OFD1: variants seen among roughly 807,000 people sequenced by gnomAD.
OFD1 encodes centriole and centriolar satellite protein OFD1.
In OFD1, 12 loss-of-function variants were observed where a neutral mutation model predicts 81.4. The observed-to-expected ratio is 0.15, with a 90% CI of 0.09 to 0.24. OFD1 has a LOEUF of 0.24. Among genes scored for constraint, OFD1 ranks in the 10% least tolerant of loss-of-function variants. OFD1 has a pLI of 1.00. For synonymous variants in OFD1, 256 were observed against 263.7 expected (o/e 0.97, Z 0.28); for missense variants, 685 against 733.9 (o/e 0.93, Z 0.77).
intron 19 of OFD1, 83 bp downstream of exon 19, chrX:13,763,938 C>A: frequency 1.4e-6 from 1 of 730,298 alleles, no homozygotes; most frequent in Non-Finnish European, 2.2e-6. Flanking sequence ...TTTCATGTAT[C>A]ACTGAAGTCA....
intron 21 of OFD1, 88 bp from the exon 22 acceptor site, chrX:13,768,630 A>G (rs909016692): frequency 1.4e-6 from 1 of 718,909 alleles, no homozygotes; most frequent in Non-Finnish European, 2.2e-6. Context: ...TTTAAATTAC[A>G]TATATATTTC....
chrX:13,735,735 TG>T (rs1467532925), intron 2 of OFD1, among the ~76,000 whole-genome samples: 1 of 112,233 alleles, frequency 8.9e-6, no homozygotes, highest in East Asian at 2.8e-4. Flanking sequence ...AAAATACTAG[TG>T]TACTGCTTAA....
At chrX:13,763,111 C>T (rs931244613) in intron 18 of OFD1, among the ~76,000 whole-genome samples, 3 of 112,317 alleles carry the variant, frequency 2.7e-5, no homozygotes, top group African/African-American at 6.5e-5. Flanking sequence ...AGTTGATTGC[C>T]TCAGATTTAG....
upstream of OFD1, among the ~76,000 whole-genome samples, chrX:13,733,263 C>T (rs1206173975): frequency 9.0e-6 from 1 of 111,635 alleles, no homozygotes; most frequent in Non-Finnish European, 1.9e-5. Context: ...ATCTCAGCTA[C>T]AGGATCATGT....
chrX:13,741,421 C>G (rs1371793766), intron 5 of OFD1, among the ~76,000 whole-genome samples: 1 of 112,235 alleles, frequency 8.9e-6, no homozygotes, highest in Non-Finnish European at 1.9e-5. Context: ...TAACCGTTGT[C>G]TGTCCCCTGA....
At chrX:13,773,089 G>A (rs771244021), downstream of OFD1, 16 of 1,065,547 alleles carry the variant, frequency 1.5e-5, no homozygotes, top group South Asian at 2.8e-4. Context: ...AAAGCGAGGC[G>A]CTAGTTAGAT....
Position 13,755,968 on chromosome X carries a change from T to TTTTTTTG in OFD1, c.1222-610_1222-609insTTTTTTG, listed in dbSNP as rs1298406528. On this transcript the variant is annotated intron_variant, in intron 12 of 22. Transcript: ENST00000340096. ...TCCCTTTTTTTTTTTTTTTTTTTTTTGAGACAGAGTCTTGTTCTTTCGCCC... is the reference window on the plus strand; with the variant it reads ...TCCCTTTTTTTTTTTTTTTTTTTTTTTTTTTTGGAGACAGAGTCTTGTTCTTTCGCCC... Among the ~76,000 whole-genome samples the TTTTTTTG allele has an allele frequency of 1.1e-3, 111 of 96,913 alleles. 1 individual carries two copies. The highest frequency in any genetic ancestry group is 4.3e-3 in the African/African-American group (104 of 24,276). The allele number at this position is 96,913 out of a possible 115,157, so 84.2% of individuals were successfully genotyped here.
At position 13,735,195 on chromosome X, in the gene OFD1, A is replaced by G. The variant is rs759719121; in HGVS notation, c.13-53A>G. 4.1e-5 allele frequency: 49 copies of G among 1,191,222 alleles called. No homozygotes were observed. The East Asian group carries it at 1.0e-3, about 25-fold the overall frequency. On this transcript the variant is annotated intron_variant, in intron 1 of 22. Coordinates refer to ENST00000340096, the MANE Select transcript of OFD1 (RefSeq NM_003611.3). The stretch of plus-strand genomic sequence containing the variant: ...CCGGAGGCCACTGGTCTGTTTTCAG[A>G]CGTTCACGTTCCCTCTGCCCCGCAG...
upstream of OFD1, among the ~76,000 whole-genome samples, chrX:13,733,026 C>A (rs2046710063): frequency 8.9e-6 from 1 of 111,954 alleles, no homozygotes; most frequent in African/African-American, 3.2e-5. Context: ...ATATTATAAG[C>A]AATTCTCCCT....
chrX:13,721,252 G>A, the OFD1 span: 1 of 111,829 alleles, frequency 8.9e-6, no homozygotes, highest in Admixed American at 9.5e-5. Context: ...GCTACTTACT[G>A]GCAGTGTGAC....
In OFD1 at chrX:13,764,834, C is replaced by T. The variant is rs1188433474; in HGVS notation, c.2599+979C>T. Among the ~76,000 whole-genome samples, 2 of 111,487 alleles carry T rather than the reference C, an allele frequency of 1.8e-5. 1 individual carries two copies. The highest frequency in any genetic ancestry group is 5.6e-4 in the East Asian group (2 of 3,562). On this transcript the variant is annotated intron_variant, in intron 19 of 22. Coordinates refer to ENST00000340096, the MANE Select transcript of OFD1 (RefSeq NM_003611.3). ...AGCCTTGTCTCTGCTGGGCACTTTG[C>T]TCAGCGCTGAGCATATAGCTCAAGC...
Position 13,768,219 on chromosome X carries a change from G to T in OFD1, c.2923G>T (p.Asp975Tyr). The change falls in exon 21 of 23, where the codon GAT becomes TAT. Residue 975 changes from aspartate to tyrosine, a missense_variant. This residue lies in a region of OFD1 where 259 missense variants were observed against 254.4 expected (regional missense o/e 1.02). Coordinates refer to ENST00000340096, the MANE Select transcript of OFD1 (RefSeq NM_003611.3). ...GCAGGAGCAAGACCAGGAGTCGGCA[G>T]ATAAGGTGCCAGTGCCATGGGCAGG... ...IQQEQDQESA[D>Y]KSSKKMVQEG... 8.3e-7 allele frequency: 1 copy of T among 1,206,186 alleles called. No homozygotes were observed. Among genetic ancestry groups the T allele is most frequent in the Non-Finnish European group, 1.1e-6 (1 of 889,993 alleles).
In OFD1 at chrX:13,760,565, C is replaced by T. The variant is rs2047888378; in HGVS notation, c.2105C>T (p.Pro702Leu). Residue 702 changes from proline to leucine, a missense_variant, in exon 16 of 23, where the codon CCT becomes CTT. Transcript: ENST00000340096. ...FGEDRVVSEQPQVGTLEERND... is the reference protein window; with the variant it reads ...FGEDRVVSEQLQVGTLEERND... ...GAGGACAGAGTTGTCTCTGAGCAGC[C>T]TCAAGTGGGCACACTTGAAGAAAGG... 2 of 1,199,658 alleles carry T rather than the reference C, an allele frequency of 1.7e-6. No homozygotes were observed. The highest frequency in any genetic ancestry group is 2.3e-4 in the Middle Eastern group (1 of 4,312).
upstream of OFD1, among the ~76,000 whole-genome samples, chrX:13,733,453 A>C (rs2046725693): frequency 8.9e-6 from 1 of 111,937 alleles, no homozygotes; most frequent in East Asian, 2.8e-4. Context: ...TTCTGTCTGC[A>C]ACCACTACCC....
At chrX:13,716,799 A>ACTTT in the OFD1 span, 1 of 578,031 alleles carries the variant, frequency 1.7e-6, no homozygotes, top group Non-Finnish European at 2.6e-6. Context: ...TTGCTTTTAT[A>ACTTT]CTTTGTTATT....
At position 13,746,835 on chromosome X, in the gene OFD1, A is replaced by T; in HGVS notation, c.710A>T (p.Lys237Met). ...AAAATTAAAATGGAAGCAAAAAAAA[A>T]GTATGAAAAGGAGTTAACCATGTTC... is the stretch of plus-strand genomic sequence containing the variant. ...IAKIKMEAKK[K>M]YEKELTMFQN... Residue 237 changes from lysine to methionine, a missense_variant, in exon 8 of 23, where the codon AAG becomes ATG. Physicochemically the swap from Lys to Met is moderately conservative, Grantham distance 95. Coordinates refer to ENST00000340096, the MANE Select transcript of OFD1 (RefSeq NM_003611.3). 8.3e-7 allele frequency: 1 copy of T among 1,202,590 alleles called. No homozygotes were observed. Among genetic ancestry groups the T allele is most frequent in the Non-Finnish European group, 1.1e-6 (1 of 888,667 alleles).
chrX:13,716,421 T>C, the OFD1 span: 1 of 973,569 alleles, frequency 1.0e-6, no homozygotes, highest in Non-Finnish European at 1.4e-6. Context: ...AAACTTACAT[T>C]TTCACCTGAC....
At chrX:13,741,353 T>A (rs187145070) in intron 5 of OFD1, among the ~76,000 whole-genome samples, 48 of 111,670 alleles carry the variant, frequency 4.3e-4, no homozygotes, top group South Asian at 1.5e-3. Context: ...AAAATTTTTT[T>A]AAAAATTGGT....
downstream of OFD1, chrX:13,771,243 T>TAGAC (rs2048291811): frequency 1.8e-5 from 2 of 112,017 alleles, no homozygotes; most frequent in African/African-American, 6.5e-5. Flanking sequence ...AATTAGGCTT[T>TAGAC]AGACACTGCC....
Sources: gnomAD v4.1 joint callset for allele counts (sites outside exome capture counted in the v4.1 genomes callset) on GRCh38, gnomAD v4.1.1 for gene constraint, gnomAD v4.1.1 regional missense constraint, MANE v1.5 for transcripts, NCBI Gene and HGNC (gene_info 2026-07-23, HGNC 2026-07-21) for gene names.